The following MAP2K6 variants were observed in gnomAD, a reference collection of about 807,000 sequenced individuals.
MAP2K6 encodes dual specificity mitogen-activated protein kinase kinase 6.
Under a neutral mutation model 53.7 loss-of-function variants are expected in MAP2K6, and 16 were observed. The observed-to-expected ratio is 0.30, with a 90% CI of 0.20 to 0.45. The LOEUF (loss-of-function observed/expected upper bound fraction) is 0.45. Ranked by LOEUF, MAP2K6 falls within the 20% of genes least tolerant of loss-of-function variation. The probability of loss-of-function intolerance (pLI) is 1.00; values close to 1 mark genes in which losing one functional copy is unlikely to be tolerated. For missense variants in MAP2K6, 204 were observed against 411.9 expected, an observed-to-expected ratio of 0.50 and a Z score of 4.37; for synonymous variants, 132 against 143.1, an observed-to-expected ratio of 0.92 and a Z score of 0.55.
At chr17:69,440,743 T>C (rs1906789913) in intron 1 of MAP2K6, among the ~76,000 whole-genome samples, 4 of 148,210 alleles carry the variant, frequency 2.7e-5, no homozygotes, top group Admixed American at 2.7e-4. Context: ...TTTGTTTTGT[T>C]TTTTTTTTTT....
At chr17:69,497,524 C>CTTT (rs11442126) in intron 1 of MAP2K6, among the ~76,000 whole-genome samples, 253 of 149,494 alleles carry the variant, frequency 1.7e-3, no homozygotes, top group African/African-American at 2.6e-3. Context: ...CTTGTTACAT[C>CTTT]TTTTTTTTTT....
intron 1 of MAP2K6, among the ~76,000 whole-genome samples, chr17:69,437,668 ACTAT>A (rs1298745030): frequency 1.1e-4 from 17 of 152,232 alleles, no homozygotes; most frequent in Non-Finnish European, 2.4e-4. Flanking sequence ...AATCATCACC[ACTAT>A]CTAATTCCAA....
At chr17:69,520,806 A>G (rs1282874695) in intron 6 of MAP2K6, 1 of 429,740 alleles carries the variant, frequency 2.3e-6, no homozygotes, top group East Asian at 3.6e-5. Flanking sequence ...AGAGAAAAAG[A>G]AGGAGGACAA....
chr17:69,473,656 G>A (rs1419721139), intron 1 of MAP2K6, among the ~76,000 whole-genome samples: 1 of 152,198 alleles, frequency 6.6e-6, no homozygotes, highest in African/African-American at 2.4e-5. Flanking sequence ...GTTGAAGAGT[G>A]CAAGAAATTG....
At chr17:69,501,559 C>T (rs372469395) in intron 1 of MAP2K6, 1 of 152,270 alleles carries the variant, frequency 6.6e-6, no homozygotes, top group East Asian at 1.9e-4. Flanking sequence ...AATGACCCAG[C>T]TTTGCTTTGG....
At chr17:69,511,302 A>G (rs1909794560) in intron 2 of MAP2K6, among the ~76,000 whole-genome samples, 1 of 152,150 alleles carries the variant, frequency 6.6e-6, no homozygotes, top group Non-Finnish European at 1.5e-5. Flanking sequence ...GCCAAGGCTT[A>G]AATTTGTACT....
chr17:69,512,330 T>G (rs370818244), intron 2 of MAP2K6, among the ~76,000 whole-genome samples: 30 of 76,720 alleles, frequency 3.9e-4, no homozygotes, highest in African/African-American at 1.5e-3. Flanking sequence ...TTCTAAGTGT[T>G]TTTTTTTTGT....
chr17:69,478,272 C>G (rs1268977936), intron 1 of MAP2K6, among the ~76,000 whole-genome samples: 2 of 152,206 alleles, frequency 1.3e-5, no homozygotes, highest in African/African-American at 4.8e-5. Context: ...TCTAGTTTCC[C>G]CATTCCCTCA....
At chr17:69,469,578 A>G (rs1364694902) in intron 1 of MAP2K6, among the ~76,000 whole-genome samples, 5 of 152,114 alleles carry the variant, frequency 3.3e-5, no homozygotes, top group Non-Finnish European at 7.4e-5. Flanking sequence ...CCTGGCCAAC[A>G]CAGTGAAACC....
At chr17:69,511,453 C>T (rs988051864) in intron 2 of MAP2K6, among the ~76,000 whole-genome samples, 2 of 152,196 alleles carry the variant, frequency 1.3e-5, no homozygotes, top group Admixed American at 1.3e-4. Context: ...TCCATTCTCC[C>T]GAGTTCAACG....
chr17:69,480,988 T>C (rs2145191616), intron 1 of MAP2K6, among the ~76,000 whole-genome samples: 1 of 152,314 alleles, frequency 6.6e-6, no homozygotes. Context: ...GATGTTTAAA[T>C]TGTGGTAAAA....
chr17:69,442,048 T>C (rs1268834845), intron 1 of MAP2K6, among the ~76,000 whole-genome samples: 1 of 152,174 alleles, frequency 6.6e-6, no homozygotes, highest in Non-Finnish European at 1.5e-5. Flanking sequence ...CTAGGTCTTA[T>C]CTGACACTCT....
intron 1 of MAP2K6, among the ~76,000 whole-genome samples, chr17:69,452,855 G>A (rs1006839520): frequency 4.6e-5 from 7 of 152,192 alleles, no homozygotes; most frequent in East Asian, 1.9e-4. Flanking sequence ...GATTTAGGTC[G>A]TACCAAAGCA....
intron 1 of MAP2K6, among the ~76,000 whole-genome samples, chr17:69,458,175 T>C (rs962087001): frequency 2.0e-5 from 3 of 152,086 alleles, no homozygotes; most frequent in Admixed American, 6.6e-5. Context: ...TGCCTGAGCC[T>C]CCCAAGTAGC....
chr17:69,488,788 G>A (rs73363653), intron 1 of MAP2K6, among the ~76,000 whole-genome samples: 6,376 of 152,130 alleles, frequency 0.042, 393 homozygotes, highest in East Asian at 0.16. Flanking sequence ...AGGGGAGAAA[G>A]GGTTGCATAA....
At chr17:69,432,592 G>C (rs1906498258) in intron 1 of MAP2K6, among the ~76,000 whole-genome samples, 1 of 151,454 alleles carries the variant, frequency 6.6e-6, no homozygotes, top group Non-Finnish European at 1.5e-5. Context: ...TTATAAGTGG[G>C]AGCTGAACAA....
intron 1 of MAP2K6, among the ~76,000 whole-genome samples, chr17:69,461,000 A>G (rs919729860): frequency 3.3e-5 from 5 of 152,184 alleles, no homozygotes; most frequent in Admixed American, 1.3e-4. Context: ...GACAGAATCA[A>G]CCTTTGATCA....
chr17:69,505,560 G>T, intron 1 of MAP2K6: 3 of 439,874 alleles, frequency 6.8e-6, no homozygotes, highest in East Asian at 4.1e-5. Flanking sequence ...CTGGACTAAT[G>T]AAAAACCTCA....
At chr17:69,422,294 G>A (rs560488276) in intron 1 of MAP2K6, among the ~76,000 whole-genome samples, 1 of 151,916 alleles carries the variant, frequency 6.6e-6, no homozygotes, top group African/African-American at 2.4e-5. Flanking sequence ...ACCATACCAG[G>A]CTAATTTTTG....
Sources: allele counts gnomAD v4.1 joint callset (sites outside exome capture counted in the v4.1 genomes callset), GRCh38; gene constraint gnomAD v4.1.1; transcripts MANE v1.5; gene names NCBI Gene and HGNC (gene_info 2026-07-23, HGNC 2026-07-21).